The following KMT2B variants were observed in gnomAD, a reference collection of about 807,000 sequenced individuals.
KMT2B encodes the protein histone-lysine N-methyltransferase 2B.
In KMT2B, 22 loss-of-function variants were observed where a neutral mutation model predicts 255.3. The observed-to-expected ratio is 0.09, with a 90% CI of 0.06 to 0.12. KMT2B has a LOEUF of 0.12. Among genes scored for constraint, KMT2B ranks in the 10% least tolerant of loss-of-function variants. KMT2B has a pLI of 1.00. For missense variants in KMT2B, 3,149 were observed against 3,737.0 expected, an observed-to-expected ratio of 0.84 and a Z score of 4.10; for synonymous variants, 1,730 against 1,498.1, an observed-to-expected ratio of 1.15 and a Z score of -3.57.
At position 35,738,377 on chromosome 19, in the gene KMT2B, G is replaced by A. The variant is rs773732312; in HGVS notation, c.7968G>A (p.Glu2656=). 3.1e-6 allele frequency: 5 copies of A among 1,613,998 alleles called. No homozygotes were observed. The highest frequency in any genetic ancestry group is 3.3e-5 in the Admixed American group (2 of 59,996). ...NAARFINHSC[E]PNCFSRVIHV... ...CCCGCTTCATCAACCACTCCTGTGA[G>A]CCCAACTGCTTCTCTCGGGTCATCC... Residue 2656 remains glutamate, a synonymous_variant, in exon 37 of 37, where the codon GAG becomes GAA. Coordinates refer to ENST00000420124, the MANE Select transcript of KMT2B (RefSeq NM_014727.3). The surrounding 1 kb of genome is among the most constrained non-coding windows in gnomAD (Gnocchi z 8.7).
chr19:35,730,758 T>C lies in KMT2B; in HGVS notation c.5328T>C (p.Tyr1776=). The C allele has an allele frequency of 1.9e-6, 3 of 1,613,864 alleles. No individual in the cohort carries two copies. In the South Asian group the frequency reaches 3.3e-5, roughly 18 times the overall value. Residue 1776 remains tyrosine (Y), a synonymous_variant, in exon 26 of 37, where the codon TAT becomes TAC. Transcript: ENST00000420124. ...STVDARRRCW[Y]RCRILEYRPW... is the part of the protein sequence containing the mutation. The stretch of plus-strand genomic sequence containing the variant: ...TGGATGCTCGGAGGCGCTGCTGGTA[T>C]CGGTGCCGAATTCTGGAGTATCGGC...
In KMT2B at chr19:35,727,366, C is replaced by T. The variant is rs1969499309; in HGVS notation, c.4118-72C>T. On this transcript the variant is annotated intron_variant, in intron 15 of 36. Transcript: ENST00000420124. This position sits in a 1 kb window ranked among gnomAD's most constrained non-coding sequence, Gnocchi z 4.2. The stretch of plus-strand genomic sequence containing the variant: ...AGGACTGGTGGGCTAAGGGTCCTTG[C>T]TGGCCTAGGGGCTGCTGGGAGCCCT... The T allele has an allele frequency of 6.3e-7, 1 of 1,589,352 alleles. No homozygotes were observed. Among genetic ancestry groups the T allele is most frequent in the Non-Finnish European group, 8.6e-7 (1 of 1,158,346 alleles).
At position 35,723,725 on chromosome 19, in the gene KMT2B, C is replaced by T. The variant is rs762829600; in HGVS notation, c.3059-7C>T. On this transcript the variant is annotated splice_region_variant and splice_polypyrimidine_tract_variant and intron_variant, in intron 7 of 36. Transcript: ENST00000420124. The surrounding 1 kb of genome is among the most constrained non-coding windows in gnomAD (Gnocchi z 7.5). Reference sequence around the variant, plus strand: ...CTCAAATCCTACTAAGTCCCCTGTTCCCGCAGGCCGGACGATAGTGAAGAC... The same window carrying T: ...CTCAAATCCTACTAAGTCCCCTGTTTCCGCAGGCCGGACGATAGTGAAGAC... 9 of 1,520,998 alleles carry T rather than the reference C, an allele frequency of 5.9e-6. 1 individual carries two copies. The highest frequency in any genetic ancestry group is 7.9e-6 in the Non-Finnish European group (9 of 1,134,450). 94.2% of individuals were successfully genotyped at this position (1,520,998 alleles called of 1,614,324 possible).
chr19:35,737,729 G>T lies in KMT2B; in HGVS notation c.7644G>T (p.Gln2548His). The change falls in exon 34 of 37, where the codon CAG becomes CAT. Residue 2548 changes from glutamine to histidine, a missense_variant. Gln to His is a conservative substitution (Grantham distance 24). Around this residue, in one of 18 missense-constraint regions of KMT2B, gnomAD observed 103 missense variants for 200.7 expected, o/e 0.51. Coordinates refer to ENST00000420124, the MANE Select transcript of KMT2B (RefSeq NM_014727.3). This position sits in a 1 kb window ranked among gnomAD's most constrained non-coding sequence, Gnocchi z 5.3. ...ATCDEEEDEV[Q>H]LRSTRRATSL... ...GTGATGAGGAAGAGGATGAGGTGCA[G>T]CTCAGGTCAACCAGGTATGGAGTGT... The T allele has an allele frequency of 6.3e-7, 1 of 1,580,686 alleles. No homozygotes were observed. The highest frequency in any genetic ancestry group is 1.2e-5 in the South Asian group (1 of 86,254).
Position 35,737,757 on chromosome 19 carries a change from G to GC in KMT2B, c.7658+15dup. The GC allele has an allele frequency of 6.4e-7, 1 of 1,562,460 alleles. No homozygotes were observed. Among genetic ancestry groups the GC allele is most frequent in the Non-Finnish European group, 8.7e-7 (1 of 1,152,264 alleles). On this transcript the variant is annotated intron_variant, in intron 34 of 36. Transcript: ENST00000420124. This position sits in a 1 kb window ranked among gnomAD's most constrained non-coding sequence, Gnocchi z 5.3. ...CAGGTCAACCAGGTATGGAGTGTGA[G>GC]CTGGGGGGCGGGTGGTGGTCTGGAA... is the stretch of plus-strand genomic sequence containing the variant.
Position 35,723,189 on chromosome 19 carries a change from C to G in KMT2B, c.2917C>G (p.Leu973Val). Residue 973 changes from leucine (L) to valine (V), a missense_variant, in exon 6 of 37, where the codon CTA (leucine) becomes GTA (valine). Around this residue, in one of 18 missense-constraint regions of KMT2B, gnomAD observed 132 missense variants for 174.7 expected, o/e 0.76. Coordinates refer to ENST00000420124, the MANE Select transcript of KMT2B (RefSeq NM_014727.3). The surrounding 1 kb of genome is among the most constrained non-coding windows in gnomAD (Gnocchi z 7.5). ...TCGATGTGGACACTGTCGGGGCTGC[C>G]TACGTGTGCAGGACTGTGGGTCCTG... is the stretch of plus-strand genomic sequence containing the variant. Reference protein sequence around the residue: ...MARCGHCRGCLRVQDCGSCVN... With the variant: ...MARCGHCRGCVRVQDCGSCVN... 6.2e-7 allele frequency: 1 copy of G among 1,613,402 alleles called. No homozygotes were observed. The highest frequency in any genetic ancestry group is 8.5e-7 in the Non-Finnish European group (1 of 1,179,882).
rs766652364 is a variant in KMT2B, at chr19:35,723,729, C to T, written c.3059-3C>T. 13 of 1,523,024 alleles carry T rather than the reference C, an allele frequency of 8.5e-6. No individual in the cohort carries two copies. The highest frequency in any genetic ancestry group is 1.1e-5 in the Non-Finnish European group (12 of 1,135,618). 94.3% of individuals were successfully genotyped at this position (1,523,024 alleles called of 1,614,324 possible). A position where few individuals can be genotyped will look rare whatever the true frequency, so the allele number is the denominator to read the frequency against. On this transcript the variant is annotated splice_region_variant and splice_polypyrimidine_tract_variant and intron_variant, in intron 7 of 36. Transcript: ENST00000420124. The surrounding 1 kb of genome is among the most constrained non-coding windows in gnomAD (Gnocchi z 7.5). ...AATCCTACTAAGTCCCCTGTTCCCG[C>T]AGGCCGGACGATAGTGAAGACGCTG...
chr19:35,719,476 A>C lies in KMT2B; in HGVS notation c.371A>C (p.Gln124Pro). Residue 124 changes from glutamine to proline, a missense_variant, in exon 2 of 37, where the codon CAG becomes CCG. Transcript: ENST00000420124. Reference protein sequence around the residue: ...SDGESDEEEFQGFHSDEDVAP... With the variant: ...SDGESDEEEFPGFHSDEDVAP... ...CCCGGTCCCCTAAATCAGGAGTTTC[A>C]GGGTTTTCATTCAGATGAAGATGTG... 1 of 1,584,110 alleles carries C rather than the reference A, an allele frequency of 6.3e-7. No homozygotes were observed. Among genetic ancestry groups the C allele is most frequent in the Non-Finnish European group, 8.6e-7 (1 of 1,165,188 alleles).
intron 8 of KMT2B, among the ~76,000 whole-genome samples, chr19:35,724,282 C>G (rs1261155203): frequency 6.6e-6 from 1 of 152,158 alleles, no homozygotes; most frequent in Non-Finnish European, 1.5e-5. Flanking sequence ...GGGAGGATCA[C>G]TTGAGCCCAG....
rs754956773 is a variant in KMT2B, at chr19:35,720,316, C to T, written c.969C>T (p.Leu323=). 2.2e-5 allele frequency: 36 copies of T among 1,612,688 alleles called. No homozygotes were observed. Among genetic ancestry groups the T allele is most frequent in the African/African-American group, 2.7e-5 (2 of 74,864 alleles). Residue 323 remains leucine, a synonymous_variant, in exon 3 of 37, where the codon CTC becomes CTT. Coordinates refer to ENST00000420124, the MANE Select transcript of KMT2B (RefSeq NM_014727.3). ...KVKMGQLSLG[L]ESGQGQGQHE... The stretch of plus-strand genomic sequence containing the variant: ...AGATGGGACAATTGTCCTTGGGACT[C>T]GAATCAGGTCAAGGTCAAGGTCAAC...
Position 35,737,011 on chromosome 19 carries a change from C to T in KMT2B, c.7372+25C>T. The T allele has an allele frequency of 6.2e-7, 1 of 1,611,742 alleles. No homozygotes were observed. The highest frequency in any genetic ancestry group is 1.1e-5 in the South Asian group (1 of 90,804). Reference sequence around the variant, plus strand: ...GGTAAGGAGTGGGCCCCACAGGGGGCAGGGAGCTGGATGTCTCCCCGAGGG... The same window carrying T: ...GGTAAGGAGTGGGCCCCACAGGGGGTAGGGAGCTGGATGTCTCCCCGAGGG... On this transcript the variant is annotated intron_variant, in intron 32 of 36. Coordinates refer to ENST00000420124, the MANE Select transcript of KMT2B (RefSeq NM_014727.3). The surrounding 1 kb of genome is among the most constrained non-coding windows in gnomAD (Gnocchi z 5.3).
rs554741072 is a variant in KMT2B, at chr19:35,720,692, G to T, written c.1345G>T (p.Ala449Ser). 5.7e-5 allele frequency: 82 copies of T among 1,435,452 alleles called. No homozygotes were observed. The East Asian group carries it at 2.0e-3, about 36-fold the overall frequency. 88.9% of individuals were successfully genotyped at this position (1,435,452 alleles called of 1,614,324 possible). The change falls in exon 3 of 37, where the codon GCC becomes TCC. Residue 449 changes from alanine to serine, a missense_variant. This residue lies in a region of KMT2B where 1,188 missense variants were observed against 1,106.4 expected (regional missense o/e 1.07). Coordinates refer to ENST00000420124, the MANE Select transcript of KMT2B (RefSeq NM_014727.3). Reference sequence around the variant, plus strand: ...TCTACCATCCCCTCCACCGCCTCCTGCCCAAGAGGAGCAGGAGGAATCCCC... The same window carrying T: ...TCTACCATCCCCTCCACCGCCTCCTTCCCAAGAGGAGCAGGAGGAATCCCC... ...PPLPSPPPPP[A>S]QEEQEESPPP...
Position 35,727,434 on chromosome 19 carries a change from C to T in KMT2B, c.4118-4C>T. ...CTTTTCCCTTTCCCACTTGGCTATC[C>T]TAGATGAAGACTACGAGATCCTTTC... On this transcript the variant is annotated splice_polypyrimidine_tract_variant and splice_region_variant and intron_variant, in intron 15 of 36. Coordinates refer to ENST00000420124, the MANE Select transcript of KMT2B (RefSeq NM_014727.3). This position sits in a 1 kb window ranked among gnomAD's most constrained non-coding sequence, Gnocchi z 4.2. 1.2e-6 allele frequency: 2 copies of T among 1,613,318 alleles called. No homozygotes were observed. Among genetic ancestry groups the T allele is most frequent in the Non-Finnish European group, 1.7e-6 (2 of 1,179,836 alleles).
chr19:35,727,367 T>C lies in KMT2B; in HGVS notation c.4118-71T>C. The C allele has an allele frequency of 3.1e-6, 5 of 1,590,592 alleles. No individual in the cohort carries two copies. Among genetic ancestry groups the C allele is most frequent in the Non-Finnish European group, 4.3e-6 (5 of 1,159,458 alleles). ...GGACTGGTGGGCTAAGGGTCCTTGCTGGCCTAGGGGCTGCTGGGAGCCCTC... is the reference window on the plus strand; with the variant it reads ...GGACTGGTGGGCTAAGGGTCCTTGCCGGCCTAGGGGCTGCTGGGAGCCCTC... On this transcript the variant is annotated intron_variant, in intron 15 of 36. Transcript: ENST00000420124. The surrounding 1 kb of genome is among the most constrained non-coding windows in gnomAD (Gnocchi z 4.2).
At position 35,728,728 on chromosome 19, in the gene KMT2B, G is replaced by C. The variant is rs1190005823; in HGVS notation, c.4572-46G>C. On this transcript the variant is annotated intron_variant, in intron 19 of 36. Coordinates refer to ENST00000420124, the MANE Select transcript of KMT2B (RefSeq NM_014727.3). Reference sequence around the variant, plus strand: ...TGGTTTGTGGATGGGCCCCCGTTCAGCTGCCCTTGTTGGGCACATCAGCTG... The same window carrying C: ...TGGTTTGTGGATGGGCCCCCGTTCACCTGCCCTTGTTGGGCACATCAGCTG... 3 of 1,489,550 alleles carry C rather than the reference G, an allele frequency of 2.0e-6. No individual in the cohort carries two copies. The South Asian group carries it at 3.4e-5, about 17-fold the overall frequency. The allele number at this position is 1,489,550 out of a possible 1,614,324, so 92.3% of individuals were successfully genotyped here. A position where few individuals can be genotyped will look rare whatever the true frequency, so the allele number is the denominator to read the frequency against.
rs1268076397 is a variant in KMT2B at position 35,738,663 on chromosome 19, C to T, written c.*106C>T. The T allele has an allele frequency of 2.3e-6, 3 of 1,288,506 alleles. No individual in the cohort carries two copies. In the African/African-American group the frequency reaches 4.4e-5, roughly 19 times the overall value. 79.8% of individuals were successfully genotyped at this position (1,288,506 alleles called of 1,614,324 possible). ...CCCCTCCCAGAGCATCTCACCCCCACCCTCATGTTCAGGGTGGATGTGGGC... is the reference window on the plus strand; with the variant it reads ...CCCCTCCCAGAGCATCTCACCCCCATCCTCATGTTCAGGGTGGATGTGGGC... On this transcript the variant is annotated 3_prime_UTR_variant, in exon 37 of 37. Transcript: ENST00000420124. This position sits in a 1 kb window ranked among gnomAD's most constrained non-coding sequence, Gnocchi z 8.7.
Position 35,723,007 on chromosome 19 carries a change from C to T in KMT2B, c.2735C>T (p.Ala912Val), listed in dbSNP as rs370197264. 73 of 1,598,858 alleles carry T rather than the reference C, an allele frequency of 4.6e-5. No homozygotes were observed. The highest frequency in any genetic ancestry group is 1.7e-4 in the Middle Eastern group (1 of 5,880). ...QDLATEDTSSASETESVPSRS... is the reference protein window; with the variant it reads ...QDLATEDTSSVSETESVPSRS... ...CCTGCTGCAATAGATACATCATCGGCGTCCGAGACTGAGAGTGTCCCGTCA... is the reference window on the plus strand; with the variant it reads ...CCTGCTGCAATAGATACATCATCGGTGTCCGAGACTGAGAGTGTCCCGTCA... Residue 912 changes from alanine to valine, a missense_variant, in exon 6 of 37, where the codon GCG becomes GTG. Ala to Val is a moderately conservative substitution (Grantham distance 64). This residue lies in a region of KMT2B where 132 missense variants were observed against 174.7 expected (regional missense o/e 0.76). Coordinates refer to ENST00000420124, the MANE Select transcript of KMT2B (RefSeq NM_014727.3). The surrounding 1 kb of genome is among the most constrained non-coding windows in gnomAD (Gnocchi z 7.5).
At chr19:35,728,269 G>A in intron 19 of KMT2B, 98 bp downstream of exon 19, 1 of 1,100,452 alleles carries the variant, frequency 9.1e-7, no homozygotes, top group Non-Finnish European at 1.3e-6. Context: ...AGCAGAGGTA[G>A]GGTCTGGAGC....
rs758860377 is a variant in KMT2B at position 35,720,431 on chromosome 19, G to A, written c.1084G>A (p.Asp362Asn). The A allele has an allele frequency of 1.3e-6, 2 of 1,557,204 alleles. No individual in the cohort carries two copies. Among genetic ancestry groups the A allele is most frequent in the Non-Finnish European group, 1.7e-6 (2 of 1,149,876 alleles). The change falls in exon 3 of 37, where the codon GAT becomes AAT. Residue 362 changes from aspartate to asparagine, a missense_variant. Asp to Asn is a conservative substitution (Grantham distance 23). Coordinates refer to ENST00000420124, the MANE Select transcript of KMT2B (RefSeq NM_014727.3). ...CTGGAAAAAGCAGGAACAGAAGCTGGATGACGAGGAAGAAGAGAAGAAAGA... is the reference window on the plus strand; with the variant it reads ...CTGGAAAAAGCAGGAACAGAAGCTGAATGACGAGGAAGAAGAGAAGAAAGA... ...PCWKKQEQKL[D>N]DEEEEKKEEE...
Sources: allele counts gnomAD v4.1 joint callset (sites outside exome capture counted in the v4.1 genomes callset), GRCh38; gene constraint gnomAD v4.1.1; regional missense constraint gnomAD v4.1.1; non-coding constraint Gnocchi (gnomAD v3.1); transcripts MANE v1.5; gene names NCBI Gene and HGNC (gene_info 2026-07-23, HGNC 2026-07-21).